The following DTNBP1 variants were observed in gnomAD, a reference collection of about 807,000 sequenced individuals.
The protein encoded by DTNBP1 is dysbindin.
Under a neutral mutation model 42.8 loss-of-function variants are expected in DTNBP1, and 35 were observed. The observed-to-expected ratio is 0.82, with a 90% CI of 0.63 to 1.09. The LOEUF (loss-of-function observed/expected upper bound fraction) is 1.09, where lower values mean the gene tolerates loss of function less well. Ranked by LOEUF, DTNBP1 falls within the 50% of genes least tolerant of loss-of-function variation. DTNBP1 has a pLI of 0.00. For synonymous variants in DTNBP1, 171 were observed against 162.2 expected (o/e 1.05, Z -0.41); for missense variants, 457 against 424.2 (o/e 1.08, Z -0.68).
chr6:15,524,189 C>A, intron 9 of DTNBP1: 1 of 1,475,970 alleles, frequency 6.8e-7, no homozygotes. Flanking sequence ...CAGGAGAGTC[C>A]GCACCTCCCT....
At chr6:15,654,158 TAATAC>T (rs1476928599) in intron 1 of DTNBP1, among the ~76,000 whole-genome samples, 3 of 152,234 alleles carry the variant, frequency 2.0e-5, no homozygotes, top group African/African-American at 7.2e-5. Context: ...GCAATCTCTT[TAATAC>T]AAAAGTAATT....
chr6:15,523,753 G>T, intron 9 of DTNBP1: 2 of 1,287,240 alleles, frequency 1.6e-6, no homozygotes, highest in Non-Finnish European at 2.0e-6. Context: ...CTGGTCTCCA[G>T]TATTCTGGCC....
chr6:15,635,288 T>C (rs779803551), intron 4 of DTNBP1, among the ~76,000 whole-genome samples: 1 of 152,098 alleles, frequency 6.6e-6, no homozygotes, highest in Non-Finnish European at 1.5e-5. Context: ...CCAGCTAATT[T>C]TTGTATTTTT....
Position 15,522,948 on chromosome 6 carries a change from G to C in DTNBP1, c.*27C>G. ...CATACAGCCAAAACTGGATTCCAGT[G>C]TGGCCAGACAACGCCCATGTCCCAA... On this transcript the variant is annotated 3_prime_UTR_variant, in exon 10 of 10. Coordinates refer to ENST00000344537, the MANE Select transcript of DTNBP1 (RefSeq NM_032122.5). 1 of 1,614,216 alleles carries C rather than the reference G, an allele frequency of 6.2e-7. No individual in the cohort carries two copies. The highest frequency in any genetic ancestry group is 2.2e-5 in the East Asian group (1 of 44,880).
At chr6:15,563,052 T>C (rs1774912806) in intron 7 of DTNBP1, among the ~76,000 whole-genome samples, 1 of 152,248 alleles carries the variant, frequency 6.6e-6, no homozygotes, top group African/African-American at 2.4e-5. Flanking sequence ...GAAGATGCAC[T>C]GCACTGCAGC....
chr6:15,651,302 G>C lies in DTNBP1; in HGVS notation c.161+11C>G. 1 of 1,610,300 alleles carries C rather than the reference G, an allele frequency of 6.2e-7. No homozygotes were observed. The highest frequency in any genetic ancestry group is 8.5e-7 in the Non-Finnish European group (1 of 1,178,818). On this transcript the variant is annotated intron_variant, in intron 3 of 9. Transcript: ENST00000344537. The stretch of plus-strand genomic sequence containing the variant: ...AGAAGTATAACCTTCCTCTACAAAT[G>C]AAACACTTACCTGCTAAGTAATTCT...
At chr6:15,655,695 A>G (rs1261724199) in intron 1 of DTNBP1, among the ~76,000 whole-genome samples, 2 of 152,058 alleles carry the variant, frequency 1.3e-5, no homozygotes, top group Non-Finnish European at 2.9e-5. Context: ...GAAAATAGTC[A>G]TCTTTTTGCC....
chr6:15,559,108 T>C (rs1028536760), intron 7 of DTNBP1, among the ~76,000 whole-genome samples: 3 of 152,228 alleles, frequency 2.0e-5, no homozygotes, highest in Non-Finnish European at 2.9e-5. Context: ...CAGGAACTGC[T>C]AATGAACTGA....
Position 15,570,959 on chromosome 6 carries a change from C to T in DTNBP1, c.511+22100G>A, listed in dbSNP as rs1252201732. Among the ~76,000 whole-genome samples, 3 of 152,248 alleles carry T rather than the reference C, an allele frequency of 2.0e-5. No individual in the cohort carries two copies. In the East Asian group the frequency reaches 5.8e-4, roughly 29 times the overall value. ...ACATCTATTTCACTCATTAATCTAA[C>T]AAACCTGACATTAAAATATCTATCT... On this transcript the variant is annotated intron_variant, in intron 7 of 9. Coordinates refer to ENST00000344537, the MANE Select transcript of DTNBP1 (RefSeq NM_032122.5).
intron 4 of DTNBP1, among the ~76,000 whole-genome samples, chr6:15,633,327 A>T (rs1295095059): frequency 6.6e-6 from 1 of 152,230 alleles, no homozygotes; most frequent in Non-Finnish European, 1.5e-5. Flanking sequence ...GATCTGAGCA[A>T]ACTAAATTGA....
chr6:15,639,693 C>A (rs1760226311), intron 3 of DTNBP1, among the ~76,000 whole-genome samples: 1 of 152,198 alleles, frequency 6.6e-6, no homozygotes, highest in Non-Finnish European at 1.5e-5. Context: ...CTGTTAGGCA[C>A]CAGAACTGCT....
intron 7 of DTNBP1, among the ~76,000 whole-genome samples, chr6:15,575,172 T>G (rs1284089857): frequency 2.0e-5 from 3 of 152,172 alleles, no homozygotes; most frequent in Admixed American, 6.5e-5. Flanking sequence ...TATTCCAGTG[T>G]TAAATTTGAA....
intron 7 of DTNBP1, among the ~76,000 whole-genome samples, chr6:15,573,101 T>C (rs762508184): frequency 1.1e-4 from 16 of 152,208 alleles, no homozygotes; most frequent in Admixed American, 8.5e-4. Flanking sequence ...CTAAAATACA[T>C]GGTTTAAAGA....
At chr6:15,616,302 A>G (rs984761940) in intron 5 of DTNBP1, among the ~76,000 whole-genome samples, 2 of 152,266 alleles carry the variant, frequency 1.3e-5, no homozygotes, top group African/African-American at 2.4e-5. Context: ...TCAGAGCCTC[A>G]TAACTAGTTA....
intron 7 of DTNBP1, among the ~76,000 whole-genome samples, chr6:15,565,680 T>C (rs1775039762): frequency 6.6e-6 from 1 of 152,016 alleles, no homozygotes; most frequent in Admixed American, 6.5e-5. Context: ...GGGGCTGGGG[T>C]TGGGAGCTGG....
Position 15,576,790 on chromosome 6 carries a change from AGT to A in DTNBP1, c.511+16267_511+16268del, listed in dbSNP as rs1775594649. On this transcript the variant is annotated intron_variant, in intron 7 of 9. Coordinates refer to ENST00000344537, the MANE Select transcript of DTNBP1 (RefSeq NM_032122.5). ...TCTCTAAAAAAAAAAAAAAAAAAAA[AGT>A]TGTGAAAGTGAGGCTCAAATGACTG... Among the ~76,000 whole-genome samples, 8 of 150,532 alleles carry A rather than the reference AGT, an allele frequency of 5.3e-5. No homozygotes were observed. In the East Asian group the frequency reaches 1.6e-3, roughly 29 times the overall value.
At chr6:15,662,676 T>C in intron 1 of DTNBP1, 138 bp downstream of exon 1, 1 of 1,292,248 alleles carries the variant, frequency 7.7e-7, no homozygotes, top group Non-Finnish European at 1.1e-6. Context: ...TTCGTTACTT[T>C]CCTCGGCGGG....
chr6:15,566,332 A>T (rs991456630), intron 7 of DTNBP1, among the ~76,000 whole-genome samples: 1 of 151,864 alleles, frequency 6.6e-6, no homozygotes, highest in Non-Finnish European at 1.5e-5. Context: ...AAAAAAAAAA[A>T]AAAATTCTAA....
At chr6:15,614,245 G>T (rs2113698927) in intron 6 of DTNBP1, among the ~76,000 whole-genome samples, 1 of 151,914 alleles carries the variant, frequency 6.6e-6, no homozygotes, top group Middle Eastern at 3.4e-3. Flanking sequence ...GGGGGTAGGG[G>T]GGTGGTGGTA....
Sources: gnomAD v4.1 joint callset for allele counts (sites outside exome capture counted in the v4.1 genomes callset) on GRCh38, gnomAD v4.1.1 for gene constraint, MANE v1.5 for transcripts, NCBI Gene and HGNC (gene_info 2026-07-23, HGNC 2026-07-21) for gene names.